Variants in HCN1 observed in about 807,000 individuals in gnomAD.
HCN1 encodes hyperpolarization activated cyclic nucleotide gated potassium channel 1.
HCN1 carries 13 observed loss-of-function variants against 78.9 expected under a neutral mutation model. That is an observed-to-expected ratio of 0.16 (90% CI 0.11 to 0.26). HCN1 has a LOEUF of 0.26. HCN1 is among the 10% of genes least tolerant of loss of function. HCN1 has a pLI of 1.00. For synonymous variants in HCN1, 552 were observed against 455.5 expected (o/e 1.21, Z -2.70); for missense variants, 810 against 1,154.3 (o/e 0.70, Z 4.32).
chr5:45,315,362 C>G (rs563945990), intron 5 of HCN1, among the ~76,000 whole-genome samples: 1 of 152,092 alleles, frequency 6.6e-6, no homozygotes, highest in Non-Finnish European at 1.5e-5. Flanking sequence ...TCCTTTAAAA[C>G]CAATGAGAAC....
chr5:45,593,318 T>G (rs1220251494), intron 2 of HCN1, among the ~76,000 whole-genome samples: 1 of 45,902 alleles, frequency 2.2e-5, no homozygotes, highest in South Asian at 9.3e-4. Context: ...TCTCTCTCTC[T>G]CTCCCTCTCT....
intron 4 of HCN1, among the ~76,000 whole-genome samples, chr5:45,393,337 A>G (rs1739622315): frequency 1.3e-5 from 2 of 152,148 alleles, no homozygotes; most frequent in Non-Finnish European, 2.9e-5. Flanking sequence ...ACAGCGACAT[A>G]ACTAGAAATA....
chr5:45,386,179 A>ATT (rs10696140), intron 4 of HCN1, among the ~76,000 whole-genome samples: 23,543 of 137,800 alleles, frequency 0.17, 2,285 homozygotes, highest in East Asian at 0.32. Context: ...TTGCTTATAG[A>ATT]TTTTTTTTTT....
At chr5:45,419,320 A>G (rs1012105598) in intron 3 of HCN1, among the ~76,000 whole-genome samples, 3 of 152,168 alleles carry the variant, frequency 2.0e-5, no homozygotes, top group Admixed American at 6.5e-5. Context: ...CCAGCACCCT[A>G]TGAGACAGGC....
chr5:45,660,685 C>A (rs1346859912), intron 1 of HCN1, among the ~76,000 whole-genome samples: 1 of 141,524 alleles, frequency 7.1e-6, no homozygotes, highest in East Asian at 2.1e-4. Flanking sequence ...TTTAAACCAA[C>A]AAAGATCAAA....
chr5:45,362,596 T>C (rs1042675419), intron 4 of HCN1, among the ~76,000 whole-genome samples: 7 of 152,106 alleles, frequency 4.6e-5, no homozygotes, highest in Non-Finnish European at 1.0e-4. Flanking sequence ...TTAAATGCTG[T>C]TTTCCTGGCA....
intron 1 of HCN1, among the ~76,000 whole-genome samples, chr5:45,659,301 T>A (rs1392476404): frequency 4.0e-5 from 5 of 124,746 alleles, no homozygotes; most frequent in Non-Finnish European, 6.6e-5. Context: ...AAAACCCATC[T>A]GTACATCAAC....
At chr5:45,690,681 T>C (rs1739893457) in intron 1 of HCN1, among the ~76,000 whole-genome samples, 1 of 152,074 alleles carries the variant, frequency 6.6e-6, no homozygotes, top group African/African-American at 2.4e-5. Context: ...ATTTTCATAG[T>C]GCATGCAGAC....
At chr5:45,455,836 A>C (rs771351684) in intron 3 of HCN1, among the ~76,000 whole-genome samples, 38 of 151,780 alleles carry the variant, frequency 2.5e-4, no homozygotes, top group Non-Finnish European at 5.2e-4. Context: ...AGTGAAATAT[A>C]CTGCTATTCA....
chr5:45,499,276 G>A (rs958242720), intron 2 of HCN1, among the ~76,000 whole-genome samples: 1 of 152,192 alleles, frequency 6.6e-6, no homozygotes, highest in Non-Finnish European at 1.5e-5. Flanking sequence ...CCACGTGCAG[G>A]ATATAATCTC....
chr5:45,456,387 T>C (rs1579906951), intron 3 of HCN1, among the ~76,000 whole-genome samples: 2 of 152,024 alleles, frequency 1.3e-5, no homozygotes, highest in African/African-American at 4.8e-5. Context: ...AACAATATTT[T>C]AGTTAGCAAC....
chr5:45,354,336 T>G (rs1746969225), intron 4 of HCN1, among the ~76,000 whole-genome samples: 1 of 152,022 alleles, frequency 6.6e-6, no homozygotes, highest in Non-Finnish European at 1.5e-5. Context: ...AAATTTTGTT[T>G]CATTGTATAG....
At chr5:45,562,756 A>G (rs1317697075) in intron 2 of HCN1, among the ~76,000 whole-genome samples, 1 of 152,186 alleles carries the variant, frequency 6.6e-6, no homozygotes, top group Non-Finnish European at 1.5e-5. Flanking sequence ...CACGTCACTC[A>G]GAAAAAAAAT....
At chr5:45,266,547 G>A (rs1210814648) in intron 7 of HCN1, among the ~76,000 whole-genome samples, 1 of 151,974 alleles carries the variant, frequency 6.6e-6, no homozygotes, top group Non-Finnish European at 1.5e-5. Flanking sequence ...CATCAGTCGG[G>A]AAATCAGTTT....
At chr5:45,624,035 G>A (rs1297860207) in intron 2 of HCN1, among the ~76,000 whole-genome samples, 1 of 152,194 alleles carries the variant, frequency 6.6e-6, no homozygotes, top group African/African-American at 2.4e-5. Context: ...TCCACGTAGT[G>A]CAGGGAGATA....
At chr5:45,689,885 A>G (rs1375925232) in intron 1 of HCN1, among the ~76,000 whole-genome samples, 2 of 152,154 alleles carry the variant, frequency 1.3e-5, no homozygotes, top group Non-Finnish European at 2.9e-5. Context: ...GTCCTAAAAC[A>G]GCCTGTAAAT....
chr5:45,668,460 C>T (rs971972938), intron 1 of HCN1, among the ~76,000 whole-genome samples: 6 of 151,880 alleles, frequency 4.0e-5, no homozygotes, highest in African/African-American at 1.4e-4. Context: ...TGTAAGTTTC[C>T]TGAAGCCTCC....
At chr5:45,570,648 A>G (rs1743808759) in intron 2 of HCN1, among the ~76,000 whole-genome samples, 1 of 152,176 alleles carries the variant, frequency 6.6e-6, no homozygotes, top group Admixed American at 6.6e-5. Flanking sequence ...TAATTTTTAA[A>G]CTGGATAGTT....
intron 2 of HCN1, among the ~76,000 whole-genome samples, chr5:45,565,036 T>C (rs1743678616): frequency 6.6e-6 from 1 of 152,092 alleles, no homozygotes. Context: ...CTGAAATTCA[T>C]CATGGGAAGA....
Sources: gnomAD v4.1 joint callset for allele counts (sites outside exome capture counted in the v4.1 genomes callset) on GRCh38, gnomAD v4.1.1 for gene constraint, MANE v1.5 for transcripts, NCBI Gene and HGNC (gene_info 2026-07-23, HGNC 2026-07-21) for gene names.